ST8SIA6: variants seen among roughly 807,000 people sequenced by gnomAD.
ST8SIA6 encodes alpha-2,8-sialyltransferase 8F.
ST8SIA6 carries 39 observed loss-of-function variants against 33.6 expected under a neutral mutation model. That is an observed-to-expected ratio of 1.16 (90% confidence interval 0.90 to 1.52). The LOEUF (loss-of-function observed/expected upper bound fraction) is 1.52. ST8SIA6 is among the 40% of genes most tolerant of loss of function. The pLI is 0.00. For missense variants in ST8SIA6, 441 were observed against 443.8 expected, an observed-to-expected ratio of 0.99 and a Z score of 0.06; for synonymous variants, 172 against 167.2, an observed-to-expected ratio of 1.03 and a Z score of -0.22.
intron 2 of ST8SIA6, among the ~76,000 whole-genome samples, chr10:17,434,581 T>C (rs1018317220): frequency 6.6e-6 from 1 of 152,310 alleles, no homozygotes; most frequent in South Asian, 2.1e-4. Flanking sequence ...AAATTCATTC[T>C]TTTCTTAGGG....
intron 2 of ST8SIA6, among the ~76,000 whole-genome samples, chr10:17,424,736 A>G (rs1455648694): frequency 6.6e-6 from 1 of 151,238 alleles, no homozygotes; most frequent in East Asian, 1.9e-4. Flanking sequence ...ATAACATCAT[A>G]AATTTTTTTT....
intron 4 of ST8SIA6, among the ~76,000 whole-genome samples, chr10:17,340,759 A>G (rs1848646859): frequency 6.6e-6 from 1 of 152,258 alleles, no homozygotes; most frequent in Non-Finnish European, 1.5e-5. Context: ...CTTACAACCC[A>G]AAATATTTTT....
intron 5 of ST8SIA6, among the ~76,000 whole-genome samples, chr10:17,328,352 A>C (rs1034974978): frequency 6.6e-6 from 1 of 152,176 alleles, no homozygotes; most frequent in Non-Finnish European, 1.5e-5. Flanking sequence ...CAAGACCTGA[A>C]TCTTTCTTAT....
intron 2 of ST8SIA6, among the ~76,000 whole-genome samples, chr10:17,426,736 C>T (rs773457979): frequency 2.6e-5 from 4 of 152,192 alleles, no homozygotes; most frequent in Non-Finnish European, 5.9e-5. Context: ...AAAATCCTGT[C>T]CCTTCTTGAT....
chr10:17,436,284 G>C (rs1029600742), intron 2 of ST8SIA6, among the ~76,000 whole-genome samples: 4 of 152,254 alleles, frequency 2.6e-5, no homozygotes, highest in South Asian at 2.1e-4. Flanking sequence ...GGGTCCCTGG[G>C]GGGGAGGTAA....
At chr10:17,343,973 A>G (rs560250979) in intron 4 of ST8SIA6, among the ~76,000 whole-genome samples, 76 of 152,296 alleles carry the variant, frequency 5.0e-4, no homozygotes, top group African/African-American at 1.8e-3. Context: ...GGGAAGCGCT[A>G]TTATCATCCC....
chr10:17,419,140 A>G (rs1467136135), intron 2 of ST8SIA6, among the ~76,000 whole-genome samples: 1 of 151,732 alleles, frequency 6.6e-6, no homozygotes, highest in Non-Finnish European at 1.5e-5. Context: ...TCTGTGATTC[A>G]TTAATGATCA....
intron 2 of ST8SIA6, among the ~76,000 whole-genome samples, chr10:17,450,787 C>G (rs377432407): frequency 6.6e-6 from 1 of 152,112 alleles, no homozygotes; most frequent in Non-Finnish European, 1.5e-5. Context: ...AGGAGCAATC[C>G]GAGAGCCTGG....
chr10:17,323,392 CTTTT>C (rs760856694), intron 6 of ST8SIA6, among the ~76,000 whole-genome samples: 2 of 111,900 alleles, frequency 1.8e-5, no homozygotes, highest in Admixed American at 1.0e-4. Flanking sequence ...AAATATACAC[CTTTT>C]TTTTTTTTTT....
chr10:17,364,261 T>C (rs1221206073), intron 3 of ST8SIA6, among the ~76,000 whole-genome samples: 1 of 152,236 alleles, frequency 6.6e-6, no homozygotes, highest in Non-Finnish European at 1.5e-5. Context: ...CTATATGTTG[T>C]AGCTGGTTCC....
At chr10:17,436,128 G>C (rs1852246484) in intron 2 of ST8SIA6, among the ~76,000 whole-genome samples, 1 of 152,222 alleles carries the variant, frequency 6.6e-6, no homozygotes, top group Non-Finnish European at 1.5e-5. Context: ...TCACCAGTCA[G>C]AGCTTGCCAG....
At chr10:17,339,893 T>A (rs1848619476) in intron 4 of ST8SIA6, among the ~76,000 whole-genome samples, 1 of 152,240 alleles carries the variant, frequency 6.6e-6, no homozygotes, top group African/African-American at 2.4e-5. Context: ...TTGAGCTCTA[T>A]GAGAAGTGCT....
intron 2 of ST8SIA6, among the ~76,000 whole-genome samples, chr10:17,444,311 T>C (rs1213475757): frequency 1.3e-5 from 2 of 152,212 alleles, no homozygotes; most frequent in African/African-American, 4.8e-5. Context: ...CGGTATTGTC[T>C]GTCGAACGTT....
In ST8SIA6 at chr10:17,318,278, A is replaced by C. The variant is rs766117279; in HGVS notation, c.*2600T>G. 1 of 181,862 alleles carries C rather than the reference A, an allele frequency of 5.5e-6. No homozygotes were observed. The highest frequency in any genetic ancestry group is 1.2e-5 in the Non-Finnish European group (1 of 86,132). The allele number at this position is 181,862 out of a possible 1,614,324, so 11.3% of individuals were successfully genotyped here. On this transcript the variant is annotated 3_prime_UTR_variant, in exon 8 of 8. Coordinates refer to ENST00000377602, the MANE Select transcript of ST8SIA6 (RefSeq NM_001004470.3). Reference sequence around the variant, plus strand: ...TCACACAGGCTAGAATGCAGTGGTAAGATCACAGCTCACTGCAGCCTCTAC... The same window carrying C: ...TCACACAGGCTAGAATGCAGTGGTACGATCACAGCTCACTGCAGCCTCTAC...
At chr10:17,391,021 G>T (rs527353209) in intron 2 of ST8SIA6, among the ~76,000 whole-genome samples, 18 of 151,908 alleles carry the variant, frequency 1.2e-4, no homozygotes, top group African/African-American at 4.3e-4. Context: ...ATCACGCCCA[G>T]CTAATTTTGT....
At chr10:17,405,990 T>C (rs943215356) in intron 2 of ST8SIA6, among the ~76,000 whole-genome samples, 3 of 151,804 alleles carry the variant, frequency 2.0e-5, no homozygotes, top group Non-Finnish European at 4.4e-5. Context: ...TGATGCAAAA[T>C]CTGTATGAGA....
intron 2 of ST8SIA6, among the ~76,000 whole-genome samples, chr10:17,431,538 A>G (rs916081251): frequency 1.3e-5 from 2 of 152,206 alleles, no homozygotes; most frequent in African/African-American, 4.8e-5. Flanking sequence ...TAGAAAAAGC[A>G]TAAACTGTTA....
chr10:17,410,929 A>AC (rs1851426989), intron 2 of ST8SIA6, among the ~76,000 whole-genome samples: 1 of 152,230 alleles, frequency 6.6e-6, no homozygotes, highest in Admixed American at 6.5e-5. Context: ...AACCAAATTT[A>AC]CTGTGCTTAG....
intron 2 of ST8SIA6, among the ~76,000 whole-genome samples, chr10:17,431,984 T>C (rs1208481322): frequency 6.6e-6 from 1 of 151,964 alleles, no homozygotes; most frequent in Non-Finnish European, 1.5e-5. Flanking sequence ...GAGTGGAGGC[T>C]GAAGGGAGAG....
Sources: gnomAD v4.1 joint callset for allele counts (sites outside exome capture counted in the v4.1 genomes callset) on GRCh38, gnomAD v4.1.1 for gene constraint, MANE v1.5 for transcripts, NCBI Gene and HGNC (gene_info 2026-07-23, HGNC 2026-07-21) for gene names.